The following STRN3 variants were observed in gnomAD, a reference collection of about 807,000 sequenced individuals.
STRN3 encodes striatin 3.
STRN3 carries 29 observed loss-of-function variants against 95.6 expected under a neutral mutation model. The ratio of observed to expected loss-of-function variants is 0.30; its 90% confidence interval spans 0.23 to 0.41. The LOEUF (loss-of-function observed/expected upper bound fraction) is 0.41. Among genes scored for constraint, STRN3 ranks in the 10% least tolerant of loss-of-function variants. The pLI is 1.00. For missense variants in STRN3, 890 were observed against 972.1 expected, an observed-to-expected ratio of 0.92 and a Z score of 1.12; for synonymous variants, 331 against 357.6, an observed-to-expected ratio of 0.93 and a Z score of 0.84.
intron 5 of STRN3, among the ~76,000 whole-genome samples, chr14:30,944,365 A>G: frequency 6.6e-6 from 1 of 151,900 alleles, no homozygotes; most frequent in East Asian, 1.9e-4. Flanking sequence ...TCTGATGTCA[A>G]ACTGACTTTA....
intron 1 of STRN3, among the ~76,000 whole-genome samples, chr14:30,984,137 AC>A (rs1555324188): frequency 8.7e-4 from 49 of 56,186 alleles, no homozygotes; most frequent in African/African-American, 2.8e-3. Context: ...GCCCCCCCCA[AC>A]CCCCCCCCAC....
chr14:31,020,847 A>C (rs2139354390), intron 1 of STRN3, among the ~76,000 whole-genome samples: 1 of 152,302 alleles, frequency 6.6e-6, no homozygotes, highest in African/African-American at 2.4e-5. Context: ...CTGAGGCTAC[A>C]GTAAGCCATG....
intron 4 of STRN3, among the ~76,000 whole-genome samples, chr14:30,949,462 C>G (rs1594481765): frequency 6.6e-6 from 1 of 152,022 alleles, no homozygotes; most frequent in Admixed American, 6.6e-5. Flanking sequence ...AATACAAAAA[C>G]TAGCCGGGCA....
Position 30,937,227 on chromosome 14 carries a change from T to C in STRN3, c.717-603A>G, listed in dbSNP as rs534852801. Among the ~76,000 whole-genome samples, 4 of 152,250 alleles carry C rather than the reference T, an allele frequency of 2.6e-5. 1 individual carries two copies. Among genetic ancestry groups the C allele is most frequent in the African/African-American group, 9.6e-5 (4 of 41,550 alleles). ...TACTCAGGAGGCTGAGATAGGAGGA[T>C]TATTTGAACCCAGGAGGTTGAGGCT... On this transcript the variant is annotated intron_variant, in intron 5 of 17. Coordinates refer to ENST00000357479, the MANE Select transcript of STRN3 (RefSeq NM_001083893.2).
intron 1 of STRN3, among the ~76,000 whole-genome samples, chr14:31,004,752 A>G (rs528356457): frequency 3.4e-4 from 52 of 152,168 alleles, no homozygotes; most frequent in Middle Eastern, 3.4e-3. Flanking sequence ...CAGCCTGGGC[A>G]ACAAGAGTGA....
At chr14:30,936,409 T>C in intron 6 of STRN3, 86 bp downstream of exon 6, 1 of 1,436,636 alleles carries the variant, frequency 7.0e-7, no homozygotes, top group East Asian at 2.3e-5. Flanking sequence ...GATCAATCAC[T>C]CCCAATGTAA....
At chr14:30,937,877 G>A (rs889952775) in intron 5 of STRN3, among the ~76,000 whole-genome samples, 8 of 152,074 alleles carry the variant, frequency 5.3e-5, no homozygotes, top group Non-Finnish European at 8.8e-5. Flanking sequence ...TCCAAATTAA[G>A]CATGTAATAC....
intron 1 of STRN3, among the ~76,000 whole-genome samples, chr14:30,984,142 C>T (rs1484777897): frequency 7.3e-6 from 1 of 137,172 alleles, no homozygotes; most frequent in East Asian, 2.2e-4. Flanking sequence ...CCCCAACCCC[C>T]CCCCACACAC....
chr14:30,929,967 A>AACAAAAAAAAAAAAAAC (rs1555317335), intron 7 of STRN3, among the ~76,000 whole-genome samples: 39 of 91,210 alleles, frequency 4.3e-4, no homozygotes, highest in Middle Eastern at 6.2e-3. Context: ...AAAAAAAAAA[A>AACAAAAAAAAAAAAAAC]AAAAAAAAAA....
At chr14:30,918,599 A>G (rs903781240) in intron 9 of STRN3, among the ~76,000 whole-genome samples, 10 of 152,184 alleles carry the variant, frequency 6.6e-5, no homozygotes, top group Non-Finnish European at 8.8e-5. Context: ...ATTAGTTCCT[A>G]AATTTAAGCA....
chr14:30,929,960 A>C (rs537321429), intron 7 of STRN3, among the ~76,000 whole-genome samples: 1,813 of 142,950 alleles, frequency 0.013, 92 homozygotes, highest in Non-Finnish European at 0.021. Flanking sequence ...TTAGCAAAAA[A>C]AAAAAAAAAA....
chr14:31,022,545 A>T (rs1566499368), intron 1 of STRN3, among the ~76,000 whole-genome samples: 1 of 151,930 alleles, frequency 6.6e-6, no homozygotes, highest in Non-Finnish European at 1.5e-5. Context: ...ATATATATAA[A>T]CTATGCCTTG....
intron 1 of STRN3, among the ~76,000 whole-genome samples, chr14:30,982,098 C>CAAAAAAAAAAAA (rs11451891): frequency 2.6e-5 from 2 of 75,542 alleles, no homozygotes; most frequent in African/African-American, 1.1e-4. Flanking sequence ...CTCTGTCTCA[C>CAAAAAAAAAAAA]AAAAAAAAAA....
At chr14:31,018,654 C>G in intron 1 of STRN3, 1 of 471,424 alleles carries the variant, frequency 2.1e-6, no homozygotes, top group Non-Finnish European at 4.2e-6. Context: ...GCGGACAAAA[C>G]TGGCCAGTTT....
chr14:30,916,947 C>A (rs1441283915), intron 9 of STRN3, among the ~76,000 whole-genome samples: 1 of 152,144 alleles, frequency 6.6e-6, no homozygotes, highest in Non-Finnish European at 1.5e-5. Flanking sequence ...TCCATTTATA[C>A]CAGTGGCAAC....
At chr14:30,977,794 GAAAAAA>G (rs869303485) in intron 1 of STRN3, among the ~76,000 whole-genome samples, 4 of 109,926 alleles carry the variant, frequency 3.6e-5, no homozygotes, top group African/African-American at 1.5e-4. Flanking sequence ...ACTCTATCTC[GAAAAAA>G]AAAAAAAAAA....
At chr14:30,967,967 C>A (rs1399454425) in intron 1 of STRN3, among the ~76,000 whole-genome samples, 1 of 152,062 alleles carries the variant, frequency 6.6e-6, no homozygotes, top group Non-Finnish European at 1.5e-5. Flanking sequence ...TAGGGAAACT[C>A]CTGTAGAGGC....
chr14:30,894,895 T>C lies in STRN3; in HGVS notation c.*516A>G. The C allele has an allele frequency of 1.2e-6, 1 of 860,848 alleles. No homozygotes were observed. Among genetic ancestry groups the C allele is most frequent in the Non-Finnish European group, 1.5e-6 (1 of 670,746 alleles). The allele number at this position is 860,848 out of a possible 1,614,324, so 53.3% of individuals were successfully genotyped here. On this transcript the variant is annotated 3_prime_UTR_variant, in exon 18 of 18. Coordinates refer to ENST00000357479, the MANE Select transcript of STRN3 (RefSeq NM_001083893.2). Reference sequence around the variant, plus strand: ...ATTTTAAGTTAAATTTTCTTTTTCTTTTTTTTTTTTTTTAAAGCAAAATAA... The same window carrying C: ...ATTTTAAGTTAAATTTTCTTTTTCTCTTTTTTTTTTTTTAAAGCAAAATAA...
Position 30,942,659 on chromosome 14 carries a change from T to A in STRN3, c.716+4431A>T, listed in dbSNP as rs567792286. Among the ~76,000 whole-genome samples the A allele has an allele frequency of 4.6e-5, 7 of 152,272 alleles. No homozygotes were observed. In the South Asian group the frequency reaches 1.5e-3, roughly 32 times the overall value. ...ATAAGATCTAAGAGAACTTTCCCAA[T>A]GAGTCCTTATAAAGTAGATGCTTTG... On this transcript the variant is annotated intron_variant, in intron 5 of 17. Coordinates refer to ENST00000357479, the MANE Select transcript of STRN3 (RefSeq NM_001083893.2).
Sources: gnomAD v4.1 joint callset for allele counts (sites outside exome capture counted in the v4.1 genomes callset) on GRCh38, gnomAD v4.1.1 for gene constraint, MANE v1.5 for transcripts, NCBI Gene and HGNC (gene_info 2026-07-23, HGNC 2026-07-21) for gene names.